The following SORT1 variants were observed in gnomAD, a reference collection of about 807,000 sequenced individuals.
SORT1 encodes sortilin 1, also known as sortilin.
Under a neutral mutation model 101.7 loss-of-function variants are expected in SORT1, and 39 were observed. The observed-to-expected ratio is 0.38, with a 90% CI of 0.30 to 0.50. The LOEUF (loss-of-function observed/expected upper bound fraction) is 0.50, where lower values mean the gene tolerates loss of function less well. Ranked by LOEUF, SORT1 falls within the 20% of genes least tolerant of loss-of-function variation. The pLI is 0.90. For synonymous variants in SORT1, 396 were observed against 393.7 expected, an observed-to-expected ratio of 1.01 and a Z score of -0.07; for missense variants, 878 against 1,040.4, an observed-to-expected ratio of 0.84 and a Z score of 2.15.
Position 109,366,913 on chromosome 1 carries a change from A to G in SORT1, c.440+495T>C, listed in dbSNP as rs1651129465. ...AGTGACAGAGCTAGACCCTGCTCAAAAAAAAAAAAAGAGTAGACGTTAAAA... is the reference window on the plus strand; with the variant it reads ...AGTGACAGAGCTAGACCCTGCTCAAGAAAAAAAAAAGAGTAGACGTTAAAA... On this transcript the variant is annotated intron_variant, in intron 3 of 19. Coordinates refer to ENST00000256637, the MANE Select transcript of SORT1 (RefSeq NM_002959.7). The G allele has an allele frequency of 5.3e-5, 8 of 150,198 alleles. 1 individual carries two copies. The Admixed American group carries it at 5.3e-4, about 10-fold the overall frequency. 9.3% of individuals were successfully genotyped at this position (150,198 alleles called of 1,614,324 possible).
intron 3 of SORT1, 165 bp downstream of exon 3, chr1:109,367,243 C>A (rs962979607): frequency 1.9e-6 from 1 of 532,662 alleles, no homozygotes; most frequent in Non-Finnish European, 3.4e-6. Flanking sequence ...ACAACAACAA[C>A]AACAACAACA....
intron 15 of SORT1, among the ~76,000 whole-genome samples, chr1:109,321,772 A>G (rs1164710763): frequency 6.6e-6 from 1 of 152,224 alleles, no homozygotes; most frequent in East Asian, 1.9e-4. Flanking sequence ...TTTGCAGGTA[A>G]CAAGTTCCAA....
At chr1:109,342,285 A>G in intron 8 of SORT1, 127 bp from the exon 9 acceptor site, 1 of 732,544 alleles carries the variant, frequency 1.4e-6, no homozygotes, top group South Asian at 1.9e-5. Context: ...GCTATGAATG[A>G]AAGGTCATAG....
At position 109,312,918 on chromosome 1, in the gene SORT1, A is replaced by C. The variant is rs1658807855; in HGVS notation, c.*1125T>G. ...CAACAAATTACTTGGCAAAGTCAGA[A>C]AAAAGGGGTGAGAAGGAAAGCCTGG... On this transcript the variant is annotated 3_prime_UTR_variant, in exon 20 of 20. Coordinates refer to ENST00000256637, the MANE Select transcript of SORT1 (RefSeq NM_002959.7). The C allele has an allele frequency of 6.6e-6, 1 of 152,210 alleles. No homozygotes were observed. The highest frequency in any genetic ancestry group is 2.1e-4 in the South Asian group (1 of 4,830). The allele number at this position is 152,210 out of a possible 1,614,324, so 9.4% of individuals were successfully genotyped here.
intron 11 of SORT1, among the ~76,000 whole-genome samples, chr1:109,331,113 T>C (rs1281825390): frequency 1.3e-5 from 2 of 152,164 alleles, no homozygotes; most frequent in Admixed American, 6.5e-5. Context: ...TCCAAACTCA[T>C]TTTATAAGGG....
At chr1:109,354,311 G>A (rs1650161331) in intron 5 of SORT1, 56 bp downstream of exon 5, 56 of 1,344,860 alleles carry the variant, frequency 4.2e-5, no homozygotes, top group Non-Finnish European at 5.5e-5. Context: ...TTCTAAGACA[G>A]TACATTTGAG....
In SORT1 at chr1:109,351,150, ACGTAG is replaced by A; in HGVS notation, c.709-153_709-149del. The A allele has an allele frequency of 1.3e-5, 9 of 671,274 alleles. No individual in the cohort carries two copies. In the South Asian group the frequency reaches 1.5e-4, roughly 12 times the overall value. 41.6% of individuals were successfully genotyped at this position (671,274 alleles called of 1,614,324 possible). A position where few individuals can be genotyped will look rare whatever the true frequency, so the allele number is the denominator to read the frequency against. ...AGCTGCCCGAGCTCCACAGACACAC[ACGTAG>A]TTTATCTGGGCCCTTTTGGGGTCTT... is the stretch of plus-strand genomic sequence containing the variant. On this transcript the variant is annotated intron_variant, in intron 5 of 19. Coordinates refer to ENST00000256637, the MANE Select transcript of SORT1 (RefSeq NM_002959.7).
intron 6 of SORT1, among the ~76,000 whole-genome samples, chr1:109,348,728 A>G (rs1265164662): frequency 6.6e-6 from 1 of 152,086 alleles, no homozygotes; most frequent in Admixed American, 6.6e-5. Context: ...CCTGGTCTCA[A>G]GCAATCCTTC....
intron 10 of SORT1, 49 bp from the exon 11 acceptor site, chr1:109,336,395 G>C (rs1648831389): frequency 8.3e-7 from 1 of 1,203,532 alleles, no homozygotes; most frequent in African/African-American, 1.5e-5. Flanking sequence ...GAAGTACCTA[G>C]GTTAGATTCA....
At chr1:109,364,157 T>C (rs762215868) in intron 3 of SORT1, among the ~76,000 whole-genome samples, 2 of 152,026 alleles carry the variant, frequency 1.3e-5, no homozygotes, top group Non-Finnish European at 2.9e-5. Flanking sequence ...CAGAAACAAA[T>C]AGAATTGCAC....
intron 3 of SORT1, among the ~76,000 whole-genome samples, chr1:109,361,063 T>C (rs980885129): frequency 1.3e-5 from 2 of 152,224 alleles, no homozygotes; most frequent in Non-Finnish European, 1.5e-5. Flanking sequence ...CATCCTATTA[T>C]TGCAGTCTGT....
At chr1:109,349,412 A>G (rs1418827595) in intron 6 of SORT1, among the ~76,000 whole-genome samples, 6 of 152,202 alleles carry the variant, frequency 3.9e-5, no homozygotes, top group African/African-American at 1.4e-4. Flanking sequence ...ATTAGAATAC[A>G]TAAAACGAAA....
At chr1:109,335,086 C>T (rs909190736) in intron 11 of SORT1, among the ~76,000 whole-genome samples, 2 of 152,138 alleles carry the variant, frequency 1.3e-5, no homozygotes, top group African/African-American at 4.8e-5. Context: ...ACAGGCCCAA[C>T]TTCCTCCAGG....
intron 1 of SORT1, among the ~76,000 whole-genome samples, chr1:109,385,971 G>GGGAAC: frequency 6.6e-6 from 1 of 152,180 alleles, no homozygotes; most frequent in Non-Finnish European, 1.5e-5. Context: ...CCCAGGACCT[G>GGGAAC]ATAAGTGCCT....
chr1:109,329,252 ATATT>A (rs1016631418), intron 11 of SORT1, among the ~76,000 whole-genome samples: 6 of 152,106 alleles, frequency 3.9e-5, no homozygotes, highest in Non-Finnish European at 5.9e-5. Context: ...AGGGGTGGCT[ATATT>A]TATTTATTTA....
intron 15 of SORT1, among the ~76,000 whole-genome samples, chr1:109,319,866 CAAA>C (rs574333925): frequency 2.8e-5 from 3 of 107,290 alleles, no homozygotes; most frequent in Non-Finnish European, 1.9e-5. Context: ...GACTCCGTCT[CAAA>C]AAAAAAAAAA....
intron 9 of SORT1, among the ~76,000 whole-genome samples, chr1:109,341,595 C>T (rs1312177539): frequency 6.6e-6 from 1 of 152,020 alleles, no homozygotes; most frequent in African/African-American, 2.4e-5. Context: ...GTGATCTGCC[C>T]GCCTCAGCCT....
chr1:109,338,859 C>A (rs1481951474), intron 10 of SORT1, among the ~76,000 whole-genome samples: 1 of 151,920 alleles, frequency 6.6e-6, no homozygotes, highest in Non-Finnish European at 1.5e-5. Flanking sequence ...ACCACCAGGC[C>A]AAACCCTCCT....
intron 8 of SORT1, 73 bp downstream of exon 8, chr1:109,345,678 A>G (rs944104800): frequency 9.4e-6 from 13 of 1,377,316 alleles, no homozygotes; most frequent in Non-Finnish European, 2.0e-6. Flanking sequence ...GTCAATGCCA[A>G]GTAATAAAGA....
Sources: gnomAD v4.1 joint callset for allele counts (sites outside exome capture counted in the v4.1 genomes callset) on GRCh38, gnomAD v4.1.1 for gene constraint, MANE v1.5 for transcripts, NCBI Gene and HGNC (gene_info 2026-07-23, HGNC 2026-07-21) for gene names.